The following EYA1 variants were observed in gnomAD, a reference collection of about 807,000 sequenced individuals.
EYA1 encodes the protein EYA transcriptional coactivator and phosphatase 1, also known as protein phosphatase EYA1.
A neutral mutation model predicts 82.0 loss-of-function variants in EYA1; 16 were observed. The ratio of observed to expected loss-of-function variants is 0.20; its 90% confidence interval spans 0.13 to 0.30. The LOEUF (loss-of-function observed/expected upper bound fraction) is 0.30, where lower values mean the gene tolerates loss of function less well. EYA1 is among the 10% of genes least tolerant of loss of function. The probability of loss-of-function intolerance (pLI) is 1.00; values close to 1 mark genes in which losing one functional copy is unlikely to be tolerated. For missense variants in EYA1, 633 were observed against 730.7 expected (o/e 0.87, Z 1.54); for synonymous variants, 261 against 264.4 (o/e 0.99, Z 0.12).
intron 12 of EYA1, among the ~76,000 whole-genome samples, chr8:71,221,015 A>C (rs538822388): frequency 1.3e-5 from 2 of 152,362 alleles, no homozygotes; most frequent in African/African-American, 4.8e-5. Context: ...TGATAATTAA[A>C]ATCATGGTAA....
chr8:71,282,532 G>A (rs1311633741), intron 9 of EYA1, among the ~76,000 whole-genome samples: 1 of 152,136 alleles, frequency 6.6e-6, no homozygotes, highest in Non-Finnish European at 1.5e-5. Flanking sequence ...TCCGCCTTTT[G>A]CCAGCGCCAC....
intron 2 of EYA1, among the ~76,000 whole-genome samples, chr8:71,469,426 C>T (rs1809021211): frequency 6.6e-6 from 1 of 151,992 alleles, no homozygotes; most frequent in Non-Finnish European, 1.5e-5. Flanking sequence ...AAAATAGTGC[C>T]TATCTCACAG....
intron 2 of EYA1, among the ~76,000 whole-genome samples, chr8:71,383,242 TACAC>T (rs1437133469): frequency 1.3e-5 from 2 of 152,092 alleles, no homozygotes; most frequent in African/African-American, 4.8e-5. Flanking sequence ...TGGGAATTCT[TACAC>T]ACTTCTGTTA....
chr8:71,535,915 C>A (rs372406869), intron 1 of EYA1: 23 of 459,056 alleles, frequency 5.0e-5, no homozygotes, highest in South Asian at 4.3e-4. Flanking sequence ...CTGGCCTTCA[C>A]ATCTGCAGCT....
intron 12 of EYA1, among the ~76,000 whole-genome samples, chr8:71,242,047 A>G (rs577064135): frequency 1.2e-4 from 18 of 152,176 alleles, no homozygotes; most frequent in Admixed American, 2.6e-4. Flanking sequence ...CGTTTCTACT[A>G]AAAGTACAAA....
At chr8:71,412,303 G>A (rs1004338584) in intron 2 of EYA1, among the ~76,000 whole-genome samples, 5 of 147,022 alleles carry the variant, frequency 3.4e-5, no homozygotes, top group South Asian at 2.2e-4. Flanking sequence ...TGGGTGCAGC[G>A]CACCAGCATG....
At chr8:71,453,772 AC>A (rs1470203679) in intron 2 of EYA1, among the ~76,000 whole-genome samples, 3 of 152,194 alleles carry the variant, frequency 2.0e-5, no homozygotes, top group Non-Finnish European at 2.9e-5. Context: ...TGAAGGAAAC[AC>A]TAAACATGGA....
intron 2 of EYA1, among the ~76,000 whole-genome samples, chr8:71,390,358 C>G (rs1287349140): frequency 6.6e-6 from 1 of 151,714 alleles, no homozygotes; most frequent in East Asian, 1.9e-4. Context: ...GAACTCCTGG[C>G]CTCAAGTGAT....
intron 14 of EYA1, 135 bp downstream of exon 14, chr8:71,216,557 A>C: frequency 1.1e-6 from 1 of 923,094 alleles, no homozygotes; most frequent in Non-Finnish European, 1.7e-6. Flanking sequence ...TCACAGCAGA[A>C]TAATGGCCAG....
rs73684735 is a variant in EYA1 at position 71,268,186 on chromosome 8, C to T, written c.1050+1554G>A. On this transcript the variant is annotated intron_variant, in intron 11 of 17. Transcript: ENST00000340726. ...AATACTCTTAGATAACTCTCTTTTG[C>T]GTCAATTTGGCCCTTAGCGAGAGCT... Among the ~76,000 whole-genome samples the T allele has an allele frequency of 9.1e-3, 1,379 of 151,624 alleles. 28 individuals are homozygous for T. Among genetic ancestry groups the T allele is most frequent in the African/African-American group, 0.032 (1,309 of 41,444 alleles).
At chr8:71,253,830 G>A (rs957364990) in intron 11 of EYA1, among the ~76,000 whole-genome samples, 21 of 152,160 alleles carry the variant, frequency 1.4e-4, no homozygotes, top group African/African-American at 4.8e-4. Context: ...TAAAGGTAAC[G>A]AGGAAGCCTT....
intron 2 of EYA1, among the ~76,000 whole-genome samples, chr8:71,470,322 G>A (rs1809092479): frequency 6.6e-6 from 1 of 152,052 alleles, no homozygotes; most frequent in Non-Finnish European, 1.5e-5. Context: ...GGGCAAGTCT[G>A]TATTTATTTA....
chr8:71,534,130 A>G (rs912703754), intron 2 of EYA1, among the ~76,000 whole-genome samples: 1 of 152,246 alleles, frequency 6.6e-6, no homozygotes, highest in Non-Finnish European at 1.5e-5. Context: ...ATATTATTAA[A>G]TTAGTTGGTG....
intron 17 of EYA1, among the ~76,000 whole-genome samples, chr8:71,206,106 C>T (rs1004245815): frequency 6.6e-6 from 1 of 152,046 alleles, no homozygotes; most frequent in Non-Finnish European, 1.5e-5. Flanking sequence ...ATATCTAACT[C>T]CTGAAAAGAA....
At chr8:71,310,715 G>T (rs910332124) in intron 7 of EYA1, among the ~76,000 whole-genome samples, 5 of 152,012 alleles carry the variant, frequency 3.3e-5, no homozygotes, top group African/African-American at 1.2e-4. Flanking sequence ...CTTCTAAATG[G>T]TGAATTAACT....
chr8:71,320,753 T>C (rs1445410), intron 6 of EYA1, among the ~76,000 whole-genome samples: 16,310 of 152,122 alleles, frequency 0.11, 1,145 homozygotes, highest in South Asian at 0.24. Context: ...TAATTTACCT[T>C]CTAATTATTA....
At chr8:71,417,875 C>T (rs1256866972) in intron 2 of EYA1, among the ~76,000 whole-genome samples, 1 of 152,156 alleles carries the variant, frequency 6.6e-6, no homozygotes, top group African/African-American at 2.4e-5. Flanking sequence ...CATCATAATT[C>T]CCAAACCTAA....
intron 17 of EYA1, among the ~76,000 whole-genome samples, chr8:71,200,427 A>C (rs564225252): frequency 1.3e-5 from 2 of 152,334 alleles, no homozygotes. Context: ...TAGATCACAT[A>C]GCTGCTACAT....
At chr8:71,391,275 A>G (rs1829265710) in intron 2 of EYA1, among the ~76,000 whole-genome samples, 1 of 152,164 alleles carries the variant, frequency 6.6e-6, no homozygotes, top group African/African-American at 2.4e-5. Context: ...GAGCTACTGT[A>G]CCCAGCCAAA....
Sources: gnomAD v4.1 joint callset for allele counts (sites outside exome capture counted in the v4.1 genomes callset) on GRCh38, gnomAD v4.1.1 for gene constraint, MANE v1.5 for transcripts, NCBI Gene and HGNC (gene_info 2026-07-23, HGNC 2026-07-21) for gene names.